The following RASGEF1C variants were observed in gnomAD, a reference collection of about 807,000 sequenced individuals.
RASGEF1C encodes the protein ras-GEF domain-containing family member 1C.
Under a neutral mutation model 58.1 loss-of-function variants are expected in RASGEF1C, and 27 were observed. The observed-to-expected ratio is 0.46, with a 90% CI of 0.34 to 0.64. The LOEUF is 0.64. RASGEF1C is among the 30% of genes least tolerant of loss of function. RASGEF1C has a pLI of 0.01. For synonymous variants in RASGEF1C, 243 were observed against 246.3 expected (o/e 0.99, Z 0.13); for missense variants, 502 against 605.1 (o/e 0.83, Z 1.79).
intron 1 of RASGEF1C, among the ~76,000 whole-genome samples, chr5:180,170,429 T>G (rs1767091185): frequency 6.6e-6 from 1 of 152,212 alleles, no homozygotes; most frequent in Non-Finnish European, 1.5e-5. Flanking sequence ...TGCTCTGAGA[T>G]GTGTGAAGCC....
intron 1 of RASGEF1C, among the ~76,000 whole-genome samples, chr5:180,191,047 A>C (rs1485497551): frequency 6.6e-6 from 1 of 152,246 alleles, no homozygotes; most frequent in Non-Finnish European, 1.5e-5. Context: ...ATGATGTCTC[A>C]TATCATTAGT....
intron 1 of RASGEF1C, among the ~76,000 whole-genome samples, chr5:180,192,871 A>C (rs1172327377): frequency 6.7e-6 from 1 of 149,510 alleles, no homozygotes; most frequent in Non-Finnish European, 1.5e-5. Flanking sequence ...CAGCCTCCCG[A>C]GTAGCTGGGA....
At position 180,155,809 on chromosome 5, in the gene RASGEF1C, T is replaced by C. The variant is rs754018199; in HGVS notation, c.-6-17751A>G. Among the ~76,000 whole-genome samples the C allele has an allele frequency of 3.9e-5, 6 of 152,260 alleles. No individual in the cohort carries two copies. The highest frequency in any genetic ancestry group is 7.4e-5 in the Non-Finnish European group (5 of 68,022). On this transcript the variant is annotated intron_variant, in intron 1 of 13. Coordinates refer to ENST00000361132, the MANE Select transcript of RASGEF1C (RefSeq NM_175062.4). The surrounding 1 kb of genome is among the most constrained non-coding windows in gnomAD (Gnocchi z 5.2). ...CCAAGCCACAGTGAAGGGGTTTGTT[T>C]CACCTCCCAACCCGCATGCTGCCTT...
chr5:180,170,514 GC>G (rs1322352179), intron 1 of RASGEF1C, among the ~76,000 whole-genome samples: 1 of 152,212 alleles, frequency 6.6e-6, no homozygotes, highest in Non-Finnish European at 1.5e-5. Context: ...TGTCCTTCCA[GC>G]CCCCGCGCTA....
chr5:180,134,788 C>G (rs1295693044), intron 4 of RASGEF1C, among the ~76,000 whole-genome samples: 2 of 148,642 alleles, frequency 1.3e-5, no homozygotes, highest in Non-Finnish European at 3.0e-5. Context: ...CCCCAACCCC[C>G]CAACAGAACT....
At chr5:180,178,880 G>T (rs1767274786) in intron 1 of RASGEF1C, among the ~76,000 whole-genome samples, 1 of 152,060 alleles carries the variant, frequency 6.6e-6, no homozygotes, top group Non-Finnish European at 1.5e-5. Flanking sequence ...AAATTCAACA[G>T]CAGAAGGGAC....
chr5:180,200,713 G>A (rs1303466069), intron 1 of RASGEF1C, among the ~76,000 whole-genome samples: 1 of 152,030 alleles, frequency 6.6e-6, no homozygotes, highest in African/African-American at 2.4e-5. Context: ...CCTCTCCTTG[G>A]TAAAAGCCAA....
intron 1 of RASGEF1C, among the ~76,000 whole-genome samples, chr5:180,204,041 T>C (rs921756656): frequency 4.0e-5 from 6 of 151,728 alleles, no homozygotes; most frequent in Non-Finnish European, 7.4e-5. Flanking sequence ...AAGTGAAATC[T>C]GGGGGAAGAC....
In RASGEF1C at chr5:180,137,786, T is replaced by C; in HGVS notation, c.178-74A>G. 1 of 1,605,344 alleles carries C rather than the reference T, an allele frequency of 6.2e-7. No individual in the cohort carries two copies. Among genetic ancestry groups the C allele is most frequent in the South Asian group, 1.1e-5 (1 of 89,578 alleles). ...GGGGCATGCTTCCCAGCTGGCCCTG[T>C]ACCCTGGCCCAAGGTCACGCCCAAC... On this transcript the variant is annotated intron_variant, in intron 2 of 13. Coordinates refer to ENST00000361132, the MANE Select transcript of RASGEF1C (RefSeq NM_175062.4). This position sits in a 1 kb window ranked among gnomAD's most constrained non-coding sequence, Gnocchi z 4.1.
rs578041803 is a variant in RASGEF1C, at chr5:180,101,386, C to A, written c.*115G>T. The A allele has an allele frequency of 8.3e-7, 1 of 1,201,594 alleles. No homozygotes were observed. The highest frequency in any genetic ancestry group is 1.3e-5 in the South Asian group (1 of 77,464). 74.4% of individuals were successfully genotyped at this position (1,201,594 alleles called of 1,614,324 possible). ...GGGGGCGGGCAGCAGGCCACAGGGTCGGCATTTGCAAAATAGTGAGGCACT... is the reference window on the plus strand; with the variant it reads ...GGGGGCGGGCAGCAGGCCACAGGGTAGGCATTTGCAAAATAGTGAGGCACT... On this transcript the variant is annotated 3_prime_UTR_variant, in exon 14 of 14. Coordinates refer to ENST00000361132, the MANE Select transcript of RASGEF1C (RefSeq NM_175062.4).
chr5:180,105,248 A>G (rs1765856240), intron 12 of RASGEF1C, among the ~76,000 whole-genome samples: 1 of 152,106 alleles, frequency 6.6e-6, no homozygotes. Flanking sequence ...CCTTTGCCAT[A>G]TCTGAACTGC....
At chr5:180,172,577 G>A (rs1767129016) in intron 1 of RASGEF1C, among the ~76,000 whole-genome samples, 1 of 152,196 alleles carries the variant, frequency 6.6e-6, no homozygotes, top group African/African-American at 2.4e-5. Flanking sequence ...AGCCCCGGGT[G>A]TCTGCCAGGG....
At chr5:180,118,912 G>A (rs1474151473) in intron 8 of RASGEF1C, 46 bp from the exon 9 acceptor site, 3 of 1,570,346 alleles carry the variant, frequency 1.9e-6, no homozygotes, top group South Asian at 1.1e-5. Context: ...TGGGACAGGG[G>A]GGCCTCTGCG....
At position 180,168,700 on chromosome 5, in the gene RASGEF1C, C is replaced by T. The variant is rs374942562; in HGVS notation, c.-6-30642G>A. On this transcript the variant is annotated intron_variant, in intron 1 of 13. Coordinates refer to ENST00000361132, the MANE Select transcript of RASGEF1C (RefSeq NM_175062.4). This position sits in a 1 kb window ranked among gnomAD's most constrained non-coding sequence, Gnocchi z 6.0. ...CTCCTCCCCTCAGAGAGGAAGGCCT[C>T]GCCCTCTTGGAATTCTGGGCTCCTG... 2.3e-4 allele frequency among the ~76,000 whole-genome samples: 35 copies of T among 152,298 alleles called. No homozygotes were observed. The highest frequency in any genetic ancestry group is 4.4e-4 in the Non-Finnish European group (30 of 68,030).
chr5:180,126,223 C>T (rs997877713), intron 6 of RASGEF1C, among the ~76,000 whole-genome samples: 11 of 152,088 alleles, frequency 7.2e-5, no homozygotes, highest in African/African-American at 1.4e-4. Flanking sequence ...ATGGCTTACA[C>T]GGTGAAACCC....
chr5:180,188,299 A>C (rs532514408), intron 1 of RASGEF1C, among the ~76,000 whole-genome samples: 30 of 152,332 alleles, frequency 2.0e-4, no homozygotes, highest in African/African-American at 6.7e-4. Flanking sequence ...GGGAAAGAAC[A>C]CAGGCTGCTG....
At position 180,158,414 on chromosome 5, in the gene RASGEF1C, A is replaced by G. The variant is rs1410374747; in HGVS notation, c.-6-20356T>C. Among the ~76,000 whole-genome samples, 1 of 152,220 alleles carries G rather than the reference A, an allele frequency of 6.6e-6. No homozygotes were observed. The highest frequency in any genetic ancestry group is 1.5e-5 in the Non-Finnish European group (1 of 68,038). ...GAGGTGCTTAGGAAGTAAATGTTTA[A>G]GATCTCACATGCCTGTAAACGTTCT... On this transcript the variant is annotated intron_variant, in intron 1 of 13. Transcript: ENST00000361132. The surrounding 1 kb of genome is among the most constrained non-coding windows in gnomAD (Gnocchi z 4.0).
At chr5:180,178,036 G>T (rs1007913425) in intron 1 of RASGEF1C, among the ~76,000 whole-genome samples, 4 of 151,106 alleles carry the variant, frequency 2.6e-5, no homozygotes, top group African/African-American at 9.7e-5. Context: ...GCATGATCTC[G>T]GCTCACCGCA....
intron 4 of RASGEF1C, among the ~76,000 whole-genome samples, chr5:180,129,982 C>T (rs1306907382): frequency 1.3e-5 from 2 of 152,188 alleles, no homozygotes; most frequent in African/African-American, 2.4e-5. Flanking sequence ...TGTACCCAGC[C>T]CATGATGTGG....
Sources: gnomAD v4.1 joint callset for allele counts (sites outside exome capture counted in the v4.1 genomes callset) on GRCh38, gnomAD v4.1.1 for gene constraint, Gnocchi (gnomAD v3.1) non-coding constraint, MANE v1.5 for transcripts, NCBI Gene and HGNC (gene_info 2026-07-23, HGNC 2026-07-21) for gene names.